The following KDM4A variants were observed in gnomAD, a reference collection of about 807,000 sequenced individuals.
KDM4A encodes lysine demethylase 4A.
A neutral mutation model predicts 127.1 loss-of-function variants in KDM4A; 23 were observed. The observed-to-expected ratio is 0.18, with a 90% CI of 0.13 to 0.26. The LOEUF is 0.26. Ranked by LOEUF, KDM4A falls within the 10% of genes least tolerant of loss-of-function variation. KDM4A has a pLI of 1.00. For missense variants in KDM4A, 890 were observed against 1,329.1 expected, an observed-to-expected ratio of 0.67 and a Z score of 5.14; for synonymous variants, 443 against 466.5, an observed-to-expected ratio of 0.95 and a Z score of 0.65.
chr1:43,669,349 C>A, intron 10 of KDM4A, 50 bp downstream of exon 10: 1 of 1,554,464 alleles, frequency 6.4e-7, no homozygotes. Flanking sequence ...TATATGTGTC[C>A]CGTGTTAGAT....
At chr1:43,657,633 T>C (rs942380849) in intron 3 of KDM4A, among the ~76,000 whole-genome samples, 11 of 152,204 alleles carry the variant, frequency 7.2e-5, no homozygotes, top group Admixed American at 7.2e-4. Context: ...CCTTATTGTC[T>C]GATTTTTGCT....
chr1:43,652,461 A>G (rs1660135541), intron 1 of KDM4A, among the ~76,000 whole-genome samples: 1 of 152,156 alleles, frequency 6.6e-6, no homozygotes, highest in Non-Finnish European at 1.5e-5. Context: ...CTTTTTAAAC[A>G]GAACCTTTTC....
chr1:43,672,780 C>T (rs1393801201), intron 11 of KDM4A, among the ~76,000 whole-genome samples: 1 of 152,206 alleles, frequency 6.6e-6, no homozygotes, highest in Non-Finnish European at 1.5e-5. Context: ...AGGCGTGAAC[C>T]ACCGTGGCTG....
At chr1:43,676,246 T>C (rs1660738984) in intron 11 of KDM4A, among the ~76,000 whole-genome samples, 1 of 152,162 alleles carries the variant, frequency 6.6e-6, no homozygotes, top group Non-Finnish European at 1.5e-5. Context: ...GCCGTGACTG[T>C]ACCATTGCAC....
intron 3 of KDM4A, among the ~76,000 whole-genome samples, chr1:43,659,718 ATC>A (rs1374885727): frequency 6.6e-6 from 1 of 152,224 alleles, no homozygotes; most frequent in Non-Finnish European, 1.5e-5. Flanking sequence ...ATGTGCAAAA[ATC>A]TATATTTTTA....
intron 2 of KDM4A, among the ~76,000 whole-genome samples, chr1:43,654,702 AGTGTGTGTGTGTGTGTGT>A (rs58710892): frequency 1.3e-4 from 17 of 131,916 alleles, no homozygotes; most frequent in Non-Finnish European, 1.7e-4. Context: ...GATGCTTGTG[AGTGTGTGTGTGTGTGTGT>A]GTGTGTGTGT....
At chr1:43,692,196 C>A in intron 15 of KDM4A, 60 bp from the exon 16 acceptor site, 1 of 1,444,954 alleles carries the variant, frequency 6.9e-7, no homozygotes, top group Non-Finnish European at 9.7e-7. Flanking sequence ...CAGGGGAGAG[C>A]AGATTGAATG....
In KDM4A at chr1:43,655,679, C is replaced by T. The variant is rs528781215; in HGVS notation, c.227C>T (p.Thr76Met). Residue 76 changes from threonine to methionine, a missense_variant, in exon 3 of 22, where the codon ACG (threonine) becomes ATG (methionine). By Grantham distance (81) the Thr-to-Met change is moderately conservative. Coordinates refer to ENST00000372396, the MANE Select transcript of KDM4A (RefSeq NM_014663.3). ...CCTGCCCCCATTCAACAGCTGGTGACGGGGCAGTCTGGCCTCTTTACTCAG... is the reference window on the plus strand; with the variant it reads ...CCTGCCCCCATTCAACAGCTGGTGATGGGGCAGTCTGGCCTCTTTACTCAG... ...VIPAPIQQLV[T>M]GQSGLFTQYN... The T allele has an allele frequency of 5.0e-6, 8 of 1,613,728 alleles. No individual in the cohort carries two copies. Among genetic ancestry groups the T allele is most frequent in the South Asian group, 2.2e-5 (2 of 91,006 alleles).
Position 43,691,721 on chromosome 1 carries a change from T to A in KDM4A, c.2319+149T>A, listed in dbSNP as rs1570867392. 4 of 704,934 alleles carry A rather than the reference T, an allele frequency of 5.7e-6. No individual in the cohort carries two copies. The East Asian group carries it at 1.1e-4, about 19-fold the overall frequency. The allele number at this position is 704,934 out of a possible 1,614,324, so 43.7% of individuals were successfully genotyped here. The stretch of plus-strand genomic sequence containing the variant: ...AGAGAGCGAGTATTGTGAGAGTAAA[T>A]CCTATGACCGTGAGAATGGTTGCTG... On this transcript the variant is annotated intron_variant, in intron 15 of 21. Coordinates refer to ENST00000372396, the MANE Select transcript of KDM4A (RefSeq NM_014663.3).
At chr1:43,652,670 T>A in intron 1 of KDM4A, among the ~76,000 whole-genome samples, 1 of 143,906 alleles carries the variant, frequency 6.9e-6, no homozygotes, top group African/African-American at 2.7e-5. Context: ...TTTCTTTCTT[T>A]CTTTCTTTCT....
intron 3 of KDM4A, among the ~76,000 whole-genome samples, chr1:43,657,609 A>G (rs933933630): frequency 6.6e-6 from 1 of 152,162 alleles, no homozygotes; most frequent in Non-Finnish European, 1.5e-5. Context: ...GAAAGGCTGT[A>G]TCCTTCCTGC....
rs139954225 is a variant in KDM4A, at chr1:43,672,614, C to T, written c.1734+739C>T. ...GGTTCACACCATTCTCCTGCCTCAG[C>T]CTCCCGAGTAGCTGGGACTACAGGC... On this transcript the variant is annotated intron_variant, in intron 11 of 21. Transcript: ENST00000372396. Among the ~76,000 whole-genome samples, 1,009 of 152,228 alleles carry T rather than the reference C, an allele frequency of 6.6e-3. 12 individuals are homozygous for T. Among genetic ancestry groups the T allele is most frequent in the African/African-American group, 0.023 (962 of 41,528 alleles).
At chr1:43,659,307 T>G (rs1660317902) in intron 3 of KDM4A, among the ~76,000 whole-genome samples, 1 of 151,762 alleles carries the variant, frequency 6.6e-6, no homozygotes, top group Non-Finnish European at 1.5e-5. Flanking sequence ...TTTTTTAAGG[T>G]ATAGTTTTCT....
chr1:43,668,526 A>G (rs984106934), intron 9 of KDM4A, among the ~76,000 whole-genome samples: 1 of 152,170 alleles, frequency 6.6e-6, no homozygotes, highest in Admixed American at 6.5e-5. Context: ...TTTCTGAATG[A>G]GAGACCTGTA....
At chr1:43,687,929 AC>A (rs1570862032) in intron 12 of KDM4A, among the ~76,000 whole-genome samples, 1 of 151,376 alleles carries the variant, frequency 6.6e-6, no homozygotes, top group African/African-American at 2.4e-5. Flanking sequence ...TACCTAGGAG[AC>A]ACCATCTGTC....
chr1:43,675,023 C>T (rs1333866666), intron 11 of KDM4A, among the ~76,000 whole-genome samples: 1 of 152,240 alleles, frequency 6.6e-6, no homozygotes, highest in Non-Finnish European at 1.5e-5. Context: ...GGTCTTCTCT[C>T]TGACATGTCT....
chr1:43,691,620 T>C (rs1661113836), intron 15 of KDM4A, 48 bp downstream of exon 15: 1 of 1,488,444 alleles, frequency 6.7e-7, no homozygotes. Flanking sequence ...TCTTGGTGCA[T>C]ATTCAGGGCC....
intron 19 of KDM4A, 41 bp downstream of exon 19, chr1:43,698,054 G>C (rs1661286283): frequency 6.3e-7 from 1 of 1,594,948 alleles, no homozygotes; most frequent in Admixed American, 1.7e-5. Context: ...TTGGAATGGG[G>C]GGATGTTTCT....
chr1:43,700,618 T>C (rs1297334900), intron 19 of KDM4A, among the ~76,000 whole-genome samples: 1 of 152,136 alleles, frequency 6.6e-6, no homozygotes, highest in Non-Finnish European at 1.5e-5. Flanking sequence ...AAATGGGGTC[T>C]TGCCATCTTG....
Sources: gnomAD v4.1 joint callset for allele counts (sites outside exome capture counted in the v4.1 genomes callset) on GRCh38, gnomAD v4.1.1 for gene constraint, MANE v1.5 for transcripts, NCBI Gene and HGNC (gene_info 2026-07-23, HGNC 2026-07-21) for gene names.